Variants in NF1 observed in about 807,000 individuals in gnomAD.
NF1 encodes the protein neurofibromin.
In NF1, 122 loss-of-function variants were observed where a neutral mutation model predicts 325.7. The observed-to-expected ratio is 0.37, with a 90% CI of 0.32 to 0.44. The LOEUF (loss-of-function observed/expected upper bound fraction) is 0.44. Among genes scored for constraint, NF1 ranks in the 20% least tolerant of loss-of-function variants. The pLI, the probability that NF1 is intolerant of heterozygous loss-of-function variation, is 1.00. For synonymous variants in NF1, 1,091 were observed against 1,186.0 expected (o/e 0.92, Z 1.65); for missense variants, 2,140 against 3,415.4 (o/e 0.63, Z 9.31).
intron 36 of NF1, chr17:31,271,976 G>T (rs1428612675): frequency 1.3e-5 from 2 of 151,798 alleles, no homozygotes; most frequent in Non-Finnish European, 2.9e-5. Context: ...CTGAGTTTTG[G>T]TTCAGTTTTG....
At chr17:31,342,908 G>T (rs1460763316) in intron 47 of NF1, 101 bp from the exon 48 acceptor site, 3 of 1,413,266 alleles carry the variant, frequency 2.1e-6, no homozygotes, top group Middle Eastern at 3.5e-4. Flanking sequence ...AAATTGAAAG[G>T]ATTACTTATC....
At chr17:31,371,662 T>C (rs1407909682) in intron 57 of NF1, among the ~76,000 whole-genome samples, 2 of 152,252 alleles carry the variant, frequency 1.3e-5, no homozygotes, top group African/African-American at 4.8e-5. Context: ...AGAACATGAC[T>C]AGCCTTAAAA....
intron 49 of NF1, among the ~76,000 whole-genome samples, 158 bp downstream of exon 49, chr17:31,349,409 C>G (rs1355923900): frequency 6.6e-6 from 1 of 152,082 alleles, no homozygotes; most frequent in Non-Finnish European, 1.5e-5. Flanking sequence ...AGAGTTTTGC[C>G]AGAACATTTT....
chr17:31,129,324 T>A (rs1915152706), intron 1 of NF1, among the ~76,000 whole-genome samples: 1 of 152,140 alleles, frequency 6.6e-6, no homozygotes, highest in Non-Finnish European at 1.5e-5. Context: ...GGGGGTTTTG[T>A]TTGTTCCTTT....
At chr17:31,350,131 G>A in intron 49 of NF1, 52 bp from the exon 50 acceptor site, 1 of 1,606,390 alleles carries the variant, frequency 6.2e-7, no homozygotes. Context: ...CCTGTTTTAA[G>A]TCACACTTGT....
chr17:31,361,081 C>CAAAAAAAAAAAAAAAAAAAAATAAAA (rs2070385723), intron 57 of NF1: 1 of 46,518 alleles, frequency 2.1e-5, no homozygotes, highest in Non-Finnish European at 3.5e-5. Flanking sequence ...CATACTATAT[C>CAAAAAAAAAAAAAAAAAAAAATAAAA]AAAAAAAAAA....
chr17:31,341,230 A>C (rs2069813023), intron 47 of NF1, among the ~76,000 whole-genome samples: 1 of 152,134 alleles, frequency 6.6e-6, no homozygotes, highest in African/African-American at 2.4e-5. Context: ...TTACTTTAAA[A>C]TATACCATTA....
intron 36 of NF1, chr17:31,272,430 G>C (rs2067918014): frequency 6.6e-6 from 1 of 151,682 alleles, no homozygotes; most frequent in Non-Finnish European, 1.5e-5. Flanking sequence ...GTCATTTTGA[G>C]ATTTGGGCTT....
chr17:31,232,236 C>A (rs2151434008), intron 25 of NF1, 47 bp downstream of exon 25: 1 of 1,133,288 alleles, frequency 8.8e-7, no homozygotes, highest in Non-Finnish European at 1.3e-6. Context: ...CAAATAAAGC[C>A]CCCCACCACA....
chr17:31,356,634 A>C, intron 52 of NF1, 52 bp downstream of exon 52: 1 of 1,606,376 alleles, frequency 6.2e-7, no homozygotes, highest in Non-Finnish European at 8.5e-7. Flanking sequence ...GGGAGAGTAC[A>C]TGAAAGTCAT....
intron 3 of NF1, among the ~76,000 whole-genome samples, chr17:31,160,316 A>G (rs980996784): frequency 2.6e-5 from 4 of 152,068 alleles, no homozygotes; most frequent in East Asian, 1.9e-4. Flanking sequence ...TTGAACTCCT[A>G]TCCTCAAGTG....
chr17:31,349,060 A>G, intron 48 of NF1, 60 bp from the exon 49 acceptor site: 1 of 1,539,988 alleles, frequency 6.5e-7, no homozygotes, highest in East Asian at 2.5e-5. Context: ...ACCTCAGCAG[A>G]TGCTTGTTCA....
At chr17:31,205,411 A>G (rs1233919755) in intron 11 of NF1, among the ~76,000 whole-genome samples, 2 of 152,096 alleles carry the variant, frequency 1.3e-5, no homozygotes, top group Non-Finnish European at 2.9e-5. Context: ...TGTAGTGAAA[A>G]TTCATCCAGT....
intron 3 of NF1, among the ~76,000 whole-genome samples, chr17:31,162,203 G>A (rs760689763): frequency 9.3e-5 from 14 of 151,196 alleles, no homozygotes; most frequent in Non-Finnish European, 1.8e-4. Context: ...TGGGCCAGGC[G>A]TAGTGGCTCA....
intron 8 of NF1, among the ~76,000 whole-genome samples, chr17:31,191,619 G>T (rs2066343805): frequency 6.6e-6 from 1 of 152,202 alleles, no homozygotes; most frequent in Admixed American, 6.5e-5. Flanking sequence ...AGAGTTAGGG[G>T]AGGAAATTTA....
At chr17:31,312,749 A>C (rs1044469085) in intron 36 of NF1, among the ~76,000 whole-genome samples, 1 of 152,170 alleles carries the variant, frequency 6.6e-6, no homozygotes, top group African/African-American at 2.4e-5. Context: ...ATTACTTAGA[A>C]GAAATCCTTC....
At chr17:31,206,676 A>G (rs944724910) in intron 12 of NF1, among the ~76,000 whole-genome samples, 2 of 40,884 alleles carry the variant, frequency 4.9e-5, no homozygotes, top group African/African-American at 7.3e-5. Context: ...ACTTTTGAAC[A>G]AAAATATTTT....
At chr17:31,365,184 C>T (rs1231986712) in intron 57 of NF1, among the ~76,000 whole-genome samples, 12 of 144,068 alleles carry the variant, frequency 8.3e-5, no homozygotes, top group Non-Finnish European at 1.5e-5. Flanking sequence ...ACTTGGGAGG[C>T]TGGGGTGGGA....
chr17:31,209,892 C>T (rs1489396792), intron 12 of NF1, among the ~76,000 whole-genome samples: 1 of 152,206 alleles, frequency 6.6e-6, no homozygotes, highest in African/African-American at 2.4e-5. Context: ...AGGTGATCCA[C>T]CTGCCTCAGT....
Sources: allele counts gnomAD v4.1 joint callset (sites outside exome capture counted in the v4.1 genomes callset), GRCh38; gene constraint gnomAD v4.1.1; transcripts MANE v1.5; gene names NCBI Gene and HGNC (gene_info 2026-07-23, HGNC 2026-07-21).